The following NUP43 variants were observed in gnomAD, a reference collection of about 807,000 sequenced individuals.
NUP43 encodes nucleoporin 43, also known as nucleoporin Nup43.
NUP43 carries 32 observed loss-of-function variants against 47.3 expected under a neutral mutation model. The ratio of observed to expected loss-of-function variants is 0.68; its 90% CI spans 0.51 to 0.91. The LOEUF is 0.91. Among genes scored for constraint, NUP43 ranks in the 40% least tolerant of loss-of-function variants. The pLI, the probability that NUP43 is intolerant of heterozygous loss-of-function variation, is 0.00. For synonymous variants in NUP43, 147 were observed against 158.4 expected, an observed-to-expected ratio of 0.93 and a Z score of 0.54; for missense variants, 444 against 453.9, an observed-to-expected ratio of 0.98 and a Z score of 0.20.
At chr6:149,746,259 G>C (rs1785991538) in intron 1 of NUP43, 117 bp downstream of exon 1, 11 of 1,464,776 alleles carry the variant, frequency 7.5e-6, no homozygotes, top group South Asian at 1.3e-5. Flanking sequence ...ACAGGGGTCC[G>C]GGGGACCTAA....
At chr6:149,730,858 AGC>A (rs1474555892) in intron 7 of NUP43, among the ~76,000 whole-genome samples, 1 of 152,094 alleles carries the variant, frequency 6.6e-6, no homozygotes, top group Non-Finnish European at 1.5e-5. Flanking sequence ...GGACCACTTA[AGC>A]CCAGGAGGGC....
chr6:149,724,871 G>C lies in NUP43; in HGVS notation c.*2098C>G, dbSNP rs1784738406. On this transcript the variant is annotated 3_prime_UTR_variant, in exon 8 of 8. Transcript: ENST00000340413. ...CCCAAAGTGCTAGCATTACAGGCGTGAGCCACCATGCCTGGCCACCATATG... is the reference window on the plus strand; with the variant it reads ...CCCAAAGTGCTAGCATTACAGGCGTCAGCCACCATGCCTGGCCACCATATG... 1 of 152,124 alleles carries C rather than the reference G, an allele frequency of 6.6e-6. No homozygotes were observed. Among genetic ancestry groups the C allele is most frequent in the African/African-American group, 2.4e-5 (1 of 41,430 alleles). 9.4% of individuals were successfully genotyped at this position (152,124 alleles called of 1,614,324 possible).
intron 6 of NUP43, among the ~76,000 whole-genome samples, chr6:149,732,845 C>CA (rs1033212946): frequency 2.6e-5 from 4 of 151,352 alleles, no homozygotes; most frequent in Admixed American, 6.6e-5. Flanking sequence ...AACTACGTCT[C>CA]AAAAAAAAGA....
intron 6 of NUP43, among the ~76,000 whole-genome samples, chr6:149,736,129 T>C (rs1295121917): frequency 2.0e-5 from 3 of 151,246 alleles, no homozygotes; most frequent in African/African-American, 7.3e-5. Context: ...AATATAAAAT[T>C]AGCCAGGTGT....
chr6:149,733,208 G>T (rs960055910), intron 6 of NUP43, among the ~76,000 whole-genome samples: 1 of 152,092 alleles, frequency 6.6e-6, no homozygotes, highest in Admixed American at 6.6e-5. Flanking sequence ...TCCAATATTG[G>T]TTAATGCCAA....
chr6:149,728,828 G>A (rs1455288456), intron 7 of NUP43, among the ~76,000 whole-genome samples: 5 of 152,044 alleles, frequency 3.3e-5, no homozygotes, highest in Admixed American at 1.3e-4. Context: ...TGTCACTTAT[G>A]CCTTCACTTC....
chr6:149,734,076 G>A (rs1031047401), intron 6 of NUP43, among the ~76,000 whole-genome samples: 2 of 151,710 alleles, frequency 1.3e-5, no homozygotes, highest in Admixed American at 6.6e-5. Context: ...CACCTGCCTC[G>A]GCCTCCCAAA....
At chr6:149,738,950 G>A (rs1785501542) in intron 4 of NUP43, among the ~76,000 whole-genome samples, 172 bp from the exon 5 acceptor site, 4 of 151,590 alleles carry the variant, frequency 2.6e-5, no homozygotes, top group Admixed American at 2.6e-4. Context: ...GATTCTCTTT[G>A]GATGGGAAAA....
At chr6:149,748,666 G>A (rs1028800561), upstream of NUP43, among the ~76,000 whole-genome samples, 26 of 151,850 alleles carry the variant, frequency 1.7e-4, no homozygotes, top group African/African-American at 5.8e-4. Flanking sequence ...AAAATTAGCC[G>A]GGCGTGGTGG....
chr6:149,734,080 T>C (rs1170738760), intron 6 of NUP43, among the ~76,000 whole-genome samples: 2 of 152,038 alleles, frequency 1.3e-5, no homozygotes, highest in Admixed American at 6.6e-5. Flanking sequence ...TGCCTCGGCC[T>C]CCCAAAGTGC....
chr6:149,732,183 GAAAAAAAA>G (rs11430528), intron 6 of NUP43, among the ~76,000 whole-genome samples: 1 of 107,378 alleles, frequency 9.3e-6, no homozygotes, highest in East Asian at 2.3e-4. Flanking sequence ...CACTGTCTGA[GAAAAAAAA>G]AAAAAAAAGA....
chr6:149,735,411 T>C (rs1785271539), intron 6 of NUP43, among the ~76,000 whole-genome samples: 1 of 151,986 alleles, frequency 6.6e-6, no homozygotes, highest in South Asian at 2.1e-4. Context: ...TGCAAAATGT[T>C]TGGCCTAGCA....
chr6:149,731,562 TAAA>T (rs368188588), intron 7 of NUP43, 48 bp downstream of exon 7: 1,262 of 1,288,188 alleles, frequency 9.8e-4, no homozygotes, highest in South Asian at 1.6e-3. Flanking sequence ...GACTCTGTCT[TAAA>T]AAAAAAAAAA....
intron 2 of NUP43, among the ~76,000 whole-genome samples, chr6:149,744,206 T>C (rs1192988512): frequency 2.0e-5 from 3 of 151,436 alleles, no homozygotes; most frequent in African/African-American, 7.3e-5. Flanking sequence ...AGAGCAAGAC[T>C]CAGTTTCAAA....
At chr6:149,727,541 C>G in intron 7 of NUP43, 1 of 980,694 alleles carries the variant, frequency 1.0e-6, no homozygotes, top group Non-Finnish European at 1.2e-6. Flanking sequence ...AAAAAAGAAA[C>G]CAAAAATGTA....
At chr6:149,746,725 G>T (rs962947285), upstream of NUP43, 4 of 1,462,526 alleles carry the variant, frequency 2.7e-6, no homozygotes, top group Non-Finnish European at 3.7e-6. Context: ...TGGCCTTTGA[G>T]CAGTAGGACT....
upstream of NUP43, among the ~76,000 whole-genome samples, chr6:149,747,552 T>A (rs1327841312): frequency 1.3e-5 from 2 of 151,750 alleles, no homozygotes; most frequent in Admixed American, 1.3e-4. Context: ...CCTCCCAAAG[T>A]GCTGGGATTA....
chr6:149,745,368 C>G, intron 2 of NUP43, among the ~76,000 whole-genome samples: 1 of 150,942 alleles, frequency 6.6e-6, no homozygotes, highest in South Asian at 2.1e-4. Flanking sequence ...CCACTGTACT[C>G]CAGCCTGGGT....
intron 6 of NUP43, among the ~76,000 whole-genome samples, chr6:149,735,650 T>C (rs1785295580): frequency 6.7e-6 from 1 of 148,678 alleles, no homozygotes; most frequent in Non-Finnish European, 1.5e-5. Context: ...CTAAGGATTC[T>C]AACTACAGTT....
Sources: allele counts gnomAD v4.1 joint callset (sites outside exome capture counted in the v4.1 genomes callset), GRCh38; gene constraint gnomAD v4.1.1; transcripts MANE v1.5; gene names NCBI Gene and HGNC (gene_info 2026-07-23, HGNC 2026-07-21).